The following CARD6 variants were observed in gnomAD, a reference collection of about 807,000 sequenced individuals.
CARD6 encodes the protein caspase recruitment domain-containing protein 6.
Under a neutral mutation model 23.6 loss-of-function variants are expected in CARD6, and 27 were observed. The observed-to-expected ratio is 1.14, with a 90% CI of 0.84 to 1.58. The LOEUF (loss-of-function observed/expected upper bound fraction) is 1.58. Among genes scored for constraint, CARD6 ranks in the 40% most tolerant of loss-of-function variants. The pLI, the probability that CARD6 is intolerant of heterozygous loss-of-function variation, is 0.00. For missense variants in CARD6, 1,214 were observed against 1,209.9 expected (o/e 1.00, Z -0.05); for synonymous variants, 397 against 431.8 (o/e 0.92, Z 1.00).
chr5:40,852,308 G>A lies in CARD6; in HGVS notation c.976G>A (p.Ala326Thr). ...KWTPESPGDL[A>T]WNFLMKVQAR... ...GACCCCTGAGAGTCCAGGAGACTTAGCCTGGAATTTCCTGATGAAAGTTCA... is the reference window on the plus strand; with the variant it reads ...GACCCCTGAGAGTCCAGGAGACTTAACCTGGAATTTCCTGATGAAAGTTCA... Residue 326 changes from alanine (A) to threonine (T), a missense_variant, in exon 3 of 3, where the codon GCC (alanine) becomes ACC (threonine). By Grantham distance (58) the Ala-to-Thr change is moderately conservative (BLOSUM62 0). Coordinates refer to ENST00000254691, the MANE Select transcript of CARD6 (RefSeq NM_032587.4). 3 of 1,614,008 alleles carry A rather than the reference G, an allele frequency of 1.9e-6. No homozygotes were observed. The highest frequency in any genetic ancestry group is 1.6e-4 in the Middle Eastern group (1 of 6,062).
At chr5:40,847,886 A>C (rs1197476674) in intron 2 of CARD6, among the ~76,000 whole-genome samples, 2 of 150,452 alleles carry the variant, frequency 1.3e-5, no homozygotes, top group African/African-American at 4.9e-5. Flanking sequence ...TTCAGCTGTT[A>C]TTTACCGAGA....
At chr5:40,847,067 G>T (rs1254734535) in intron 2 of CARD6, among the ~76,000 whole-genome samples, 1 of 152,218 alleles carries the variant, frequency 6.6e-6, no homozygotes, top group Non-Finnish European at 1.5e-5. Flanking sequence ...CAGATCAAGA[G>T]AAGTCTTAAT....
intron 2 of CARD6, among the ~76,000 whole-genome samples, chr5:40,850,261 A>C (rs1746039153): frequency 6.6e-6 from 1 of 151,372 alleles, no homozygotes; most frequent in Non-Finnish European, 1.5e-5. Context: ...AAAAATACAA[A>C]AAATTAGCCA....
intron 2 of CARD6, among the ~76,000 whole-genome samples, chr5:40,846,017 T>C (rs1745960196): frequency 7.3e-6 from 1 of 136,808 alleles, no homozygotes; most frequent in Non-Finnish European, 1.6e-5. Flanking sequence ...CAGTATATTC[T>C]TTTTTTTTTT....
Position 40,843,319 on chromosome 5 carries a change from A to G in CARD6, c.451A>G (p.Lys151Glu). 2 of 1,614,206 alleles carry G rather than the reference A, an allele frequency of 1.2e-6. No individual in the cohort carries two copies. Among genetic ancestry groups the G allele is most frequent in the Non-Finnish European group, 1.7e-6 (2 of 1,180,038 alleles). ...DLETSEFFRD[K>E]KTSYRETALS... ...GGAAACCTCTGAGTTTTTCAGGGAC[A>G]AGAAAACTAGTTATAGGGAAACAGC... The change falls in exon 2 of 3, where the codon AAG (lysine) becomes GAG (glutamate). Residue 151 changes from lysine (K) to glutamate (E), a missense_variant. Lys to Glu is a moderately conservative substitution (Grantham distance 56, BLOSUM62 1). Transcript: ENST00000254691.
At chr5:40,851,676 C>T (rs1054654029) in intron 2 of CARD6, among the ~76,000 whole-genome samples, 5 of 151,758 alleles carry the variant, frequency 3.3e-5, no homozygotes, top group African/African-American at 1.2e-4. Flanking sequence ...ATTAGCCGGG[C>T]ATGGTGGCAT....
rs547008718 is a variant in CARD6 at position 40,842,617 on chromosome 5, A to G, written c.284-535A>G. Among the ~76,000 whole-genome samples the G allele has an allele frequency of 1.1e-4, 16 of 152,196 alleles. No individual in the cohort carries two copies. In the East Asian group the frequency reaches 2.9e-3, roughly 28 times the overall value. On this transcript the variant is annotated intron_variant, in intron 1 of 2. Coordinates refer to ENST00000254691, the MANE Select transcript of CARD6 (RefSeq NM_032587.4). ...TTACCCTGTAAGGTTGCTAGGAAGG[A>G]CTCAAACTTTAAGCAAGACAGTGGT...
rs370060326 is a variant in CARD6 at position 40,853,668 on chromosome 5, G to A, written c.2336G>A (p.Arg779Gln). The change falls in exon 3 of 3, where the codon CGA becomes CAA. Residue 779 changes from arginine (R) to glutamine (Q), a missense_variant. Transcript: ENST00000254691. The stretch of plus-strand genomic sequence containing the variant: ...TTTCAGAATGCAGGGGCCCAGGGCC[G>A]AGGTAAAAGTTTTGGTATTCAATCC... Reference protein sequence around the residue: ...LPFQNAGAQGRGKSFGIQSFH... With the variant: ...LPFQNAGAQGQGKSFGIQSFH... 6.2e-5 allele frequency: 100 copies of A among 1,614,084 alleles called. No individual in the cohort carries two copies. The highest frequency in any genetic ancestry group is 1.3e-4 in the East Asian group (6 of 44,900).
chr5:40,843,804 G>A, intron 2 of CARD6, 95 bp downstream of exon 2: 1 of 765,428 alleles, frequency 1.3e-6, no homozygotes, highest in Non-Finnish European at 2.0e-6. Flanking sequence ...AAAAGGGACA[G>A]ATGTCAGCAG....
At chr5:40,842,153 C>A (rs1277342888) in intron 1 of CARD6, among the ~76,000 whole-genome samples, 1 of 152,132 alleles carries the variant, frequency 6.6e-6, no homozygotes, top group Non-Finnish European at 1.5e-5. Context: ...GATAAGAATG[C>A]CAGCAGCAGC....
In CARD6 at chr5:40,852,681, T is replaced by A. The variant is rs538870423; in HGVS notation, c.1349T>A (p.Met450Lys). 6.2e-7 allele frequency: 1 copy of A among 1,614,186 alleles called. No homozygotes were observed. The highest frequency in any genetic ancestry group is 8.5e-7 in the Non-Finnish European group (1 of 1,180,030). ...GATACAGAAAAGTTTCTGACTCTCA[T>A]GAAGATGCCTGTCATCTCTTTTGTG... ...TEDTEKFLTL[M>K]KMPVISFVRL... The change falls in exon 3 of 3, where the codon ATG becomes AAG. Residue 450 changes from methionine to lysine, a missense_variant. Transcript: ENST00000254691.
At position 40,854,614 on chromosome 5, in the gene CARD6, G is replaced by A; in HGVS notation, c.*168G>A. The stretch of plus-strand genomic sequence containing the variant: ...TATCTTTGTTTGTTTGTTTGAGACA[G>A]AGTTTCACTCTTGTTGCCCAGGCTG... On this transcript the variant is annotated 3_prime_UTR_variant, in exon 3 of 3. Transcript: ENST00000254691. 1.6e-6 allele frequency: 1 copy of A among 644,430 alleles called. No homozygotes were observed. Among genetic ancestry groups the A allele is most frequent in the Non-Finnish European group, 2.6e-6 (1 of 380,536 alleles). The allele number at this position is 644,430 out of a possible 1,614,324, so 39.9% of individuals were successfully genotyped here.
Position 40,843,569 on chromosome 5 carries a change from A to G in CARD6, c.701A>G (p.Asp234Gly). Residue 234 changes from aspartate to glycine, a missense_variant, in exon 2 of 3, where the codon GAT becomes GGT. Transcript: ENST00000254691. ...AEATVEEEVY[D>G]DPEHVGYDGE... ...GCCACTGTGGAAGAGGAGGTTTATG[A>G]TGACCCAGAGCACGTTGGATATGAT... 1 of 1,610,750 alleles carries G rather than the reference A, an allele frequency of 6.2e-7. No homozygotes were observed. The highest frequency in any genetic ancestry group is 1.3e-5 in the African/African-American group (1 of 74,760).
chr5:40,853,879 A>G lies in CARD6; in HGVS notation c.2547A>G (p.Ile849Met). 6.2e-7 allele frequency: 1 copy of G among 1,614,208 alleles called. No homozygotes were observed. Among genetic ancestry groups the G allele is most frequent in the Non-Finnish European group, 8.5e-7 (1 of 1,180,052 alleles). ...LERSRAVASKIGHSYSLDSQP... is the reference protein window; with the variant it reads ...LERSRAVASKMGHSYSLDSQP... Reference sequence around the variant, plus strand: ...GGTCTAGGGCAGTAGCCTCCAAGATAGGTCACTCCTATTCCCTGGATTCAC... The same window carrying G: ...GGTCTAGGGCAGTAGCCTCCAAGATGGGTCACTCCTATTCCCTGGATTCAC... Residue 849 changes from isoleucine (I) to methionine (M), a missense_variant, in exon 3 of 3, where the codon ATA becomes ATG. By Grantham distance (10) the Ile-to-Met change is conservative. Transcript: ENST00000254691.
chr5:40,850,342 A>C (rs1441422104), intron 2 of CARD6, among the ~76,000 whole-genome samples: 1 of 132,684 alleles, frequency 7.5e-6, no homozygotes, highest in African/African-American at 2.9e-5. Context: ...TGAACCCAGG[A>C]GGTGGAGGTT....
At chr5:40,844,439 C>G (rs1294901987) in intron 2 of CARD6, among the ~76,000 whole-genome samples, 1 of 152,034 alleles carries the variant, frequency 6.6e-6, no homozygotes, top group African/African-American at 2.4e-5. Flanking sequence ...CCATGTTGCT[C>G]AGGCTGGTCT....
In CARD6 at chr5:40,852,854, A is replaced by C. The variant is rs367957715; in HGVS notation, c.1522A>C (p.Thr508Pro). 139 of 1,614,082 alleles carry C rather than the reference A, an allele frequency of 8.6e-5. No individual in the cohort carries two copies. The highest frequency in any genetic ancestry group is 1.2e-4 in the Non-Finnish European group (139 of 1,180,048). ...AATCTCTGATGGCCTGGTTGAGATA[A>C]CATGGTGTTTTCCTGATAGCGATGA... is the stretch of plus-strand genomic sequence containing the variant. ...RQISDGLVEI[T>P]WCFPDSDDRK... The change falls in exon 3 of 3, where the codon ACA (threonine) becomes CCA (proline). Residue 508 changes from threonine to proline, a missense_variant. By Grantham distance (38) the Thr-to-Pro change is conservative. Transcript: ENST00000254691.
At chr5:40,852,082 A>C in intron 2 of CARD6, 92 bp from the exon 3 acceptor site, 1 of 744,376 alleles carries the variant, frequency 1.3e-6, no homozygotes, top group South Asian at 1.9e-5. Flanking sequence ...ATTCCAGCCT[A>C]GGTGATGGAG....
chr5:40,842,907 G>T lies in CARD6; in HGVS notation c.284-245G>T, dbSNP rs190060417. Among the ~76,000 whole-genome samples the T allele has an allele frequency of 4.6e-5, 7 of 152,212 alleles. No homozygotes were observed. In the East Asian group the frequency reaches 1.4e-3, roughly 29 times the overall value. ...ACAAAAATTAGCTGGGCATCATGGC[G>T]CATGCCTGTAATCCCAGCTACTTGG... On this transcript the variant is annotated intron_variant, in intron 1 of 2. Transcript: ENST00000254691.
Sources: allele counts gnomAD v4.1 joint callset (sites outside exome capture counted in the v4.1 genomes callset), GRCh38; gene constraint gnomAD v4.1.1; transcripts MANE v1.5; gene names NCBI Gene and HGNC (gene_info 2026-07-23, HGNC 2026-07-21).